NKAIN2: variants seen among roughly 807,000 people sequenced by gnomAD.
NKAIN2 encodes sodium/potassium-transporting ATPase subunit beta-1-interacting protein 2.
A neutral mutation model predicts 32.6 loss-of-function variants in NKAIN2; 14 were observed. The observed-to-expected ratio is 0.43, with a 90% CI of 0.28 to 0.67. The LOEUF (loss-of-function observed/expected upper bound fraction) is 0.67. NKAIN2 is among the 30% of genes least tolerant of loss of function. NKAIN2 has a pLI of 0.17. For synonymous variants in NKAIN2, 80 were observed against 87.2 expected, an observed-to-expected ratio of 0.92 and a Z score of 0.46; for missense variants, 198 against 258.3, an observed-to-expected ratio of 0.77 and a Z score of 1.60.
chr6:124,425,929 A>T (rs1774963786), intron 3 of NKAIN2, among the ~76,000 whole-genome samples: 1 of 152,108 alleles, frequency 6.6e-6, no homozygotes, highest in Non-Finnish European at 1.5e-5. Context: ...TTATTTACAT[A>T]TGCATACTCG....
At chr6:124,468,835 CA>C (rs1480247915) in intron 3 of NKAIN2, among the ~76,000 whole-genome samples, 3 of 152,096 alleles carry the variant, frequency 2.0e-5, no homozygotes, top group Non-Finnish European at 4.4e-5. Context: ...CATTTTGAAC[CA>C]AACTCAAAAT....
intron 3 of NKAIN2, among the ~76,000 whole-genome samples, chr6:124,538,181 A>C (rs1253951181): frequency 6.6e-6 from 1 of 151,526 alleles, no homozygotes; most frequent in Non-Finnish European, 1.5e-5. Flanking sequence ...CTTACAGTCC[A>C]TCTTTTCCTC....
chr6:124,243,531 G>T (rs1033768435), intron 1 of NKAIN2, among the ~76,000 whole-genome samples: 1 of 151,746 alleles, frequency 6.6e-6, no homozygotes, highest in African/African-American at 2.4e-5. Context: ...GAAGGAAGAT[G>T]CTGGAACTGG....
At chr6:123,867,783 C>G (rs1265758098) in intron 1 of NKAIN2, among the ~76,000 whole-genome samples, 2 of 152,080 alleles carry the variant, frequency 1.3e-5, no homozygotes, top group African/African-American at 4.8e-5. Context: ...GCTCCTTCCC[C>G]TTTACTCAGA....
chr6:124,676,871 A>G (rs190495040), intron 4 of NKAIN2, among the ~76,000 whole-genome samples: 25 of 152,238 alleles, frequency 1.6e-4, no homozygotes, highest in Non-Finnish European at 3.1e-4. Context: ...ATCCTTTCAC[A>G]TTTAGCCCAT....
chr6:124,229,558 A>AGAC (rs1792336189), intron 1 of NKAIN2, among the ~76,000 whole-genome samples: 1 of 151,448 alleles, frequency 6.6e-6, no homozygotes, highest in Admixed American at 6.6e-5. Flanking sequence ...ACAGACAGAC[A>AGAC]GACAGGGTTT....
intron 4 of NKAIN2, among the ~76,000 whole-genome samples, chr6:124,768,211 G>T (rs12193615): frequency 0.012 from 1,777 of 152,226 alleles, 17 homozygotes; most frequent in South Asian, 0.037. Context: ...TATATAATTT[G>T]TAGATGGTAT....
intron 5 of NKAIN2, among the ~76,000 whole-genome samples, chr6:124,810,492 G>C (rs1251859781): frequency 1.3e-5 from 2 of 152,170 alleles, no homozygotes; most frequent in South Asian, 2.1e-4. Context: ...GTGGGGTGGG[G>C]GGAGCGGGAA....
intron 3 of NKAIN2, among the ~76,000 whole-genome samples, chr6:124,358,047 T>G (rs1799075355): frequency 6.6e-6 from 1 of 152,178 alleles, no homozygotes; most frequent in African/African-American, 2.4e-5. Flanking sequence ...GTCCTTGCAA[T>G]AGTTTGCTCA....
chr6:124,171,946 G>A (rs1389592577), intron 1 of NKAIN2, among the ~76,000 whole-genome samples: 1 of 150,706 alleles, frequency 6.6e-6, no homozygotes, highest in Non-Finnish European at 1.5e-5. Flanking sequence ...CCAAGCAACT[G>A]GTACTACAGG....
intron 3 of NKAIN2, among the ~76,000 whole-genome samples, chr6:124,462,885 A>C (rs1211374450): frequency 6.6e-6 from 1 of 152,074 alleles, no homozygotes; most frequent in East Asian, 1.9e-4. Flanking sequence ...AAATCTGCCT[A>C]ATAGCAGTAA....
intron 1 of NKAIN2, among the ~76,000 whole-genome samples, chr6:124,181,212 G>T (rs1789430937): frequency 6.6e-6 from 1 of 152,108 alleles, no homozygotes; most frequent in Non-Finnish European, 1.5e-5. Context: ...TTTAGCAATG[G>T]CTGGGATGCA....
intron 3 of NKAIN2, among the ~76,000 whole-genome samples, chr6:124,438,989 G>A (rs1775577797): frequency 6.6e-6 from 1 of 152,196 alleles, no homozygotes; most frequent in South Asian, 2.1e-4. Context: ...ATCCATATAT[G>A]GAGCTTCAAT....
chr6:124,080,291 AG>A (rs1374148991), intron 1 of NKAIN2, among the ~76,000 whole-genome samples: 3 of 152,138 alleles, frequency 2.0e-5, no homozygotes, highest in Admixed American at 1.3e-4. Context: ...CTTAGACAAA[AG>A]GCTGTCTTGT....
chr6:124,720,411 G>C (rs1322605643), intron 4 of NKAIN2, among the ~76,000 whole-genome samples: 1 of 151,830 alleles, frequency 6.6e-6, no homozygotes, highest in South Asian at 2.1e-4. Context: ...TTTAACATGT[G>C]GTAAATTAAG....
chr6:124,226,840 A>C (rs1792138698), intron 1 of NKAIN2, among the ~76,000 whole-genome samples: 1 of 152,062 alleles, frequency 6.6e-6, no homozygotes, highest in Admixed American at 6.6e-5. Flanking sequence ...AAGTATTTCA[A>C]TTTTATTTAT....
At chr6:124,032,090 G>A (rs1208940219) in intron 1 of NKAIN2, among the ~76,000 whole-genome samples, 1 of 152,012 alleles carries the variant, frequency 6.6e-6, no homozygotes, top group East Asian at 1.9e-4. Flanking sequence ...AGCCATGAAA[G>A]GGATGAGTTC....
chr6:124,115,794 A>G (rs1473855697), intron 1 of NKAIN2, among the ~76,000 whole-genome samples: 1 of 152,058 alleles, frequency 6.6e-6, no homozygotes, highest in Non-Finnish European at 1.5e-5. Context: ...TTCATTTTTA[A>G]AACTCATTCT....
At chr6:124,552,190 C>G (rs1387810351) in intron 3 of NKAIN2, among the ~76,000 whole-genome samples, 2 of 152,182 alleles carry the variant, frequency 1.3e-5, no homozygotes, top group Non-Finnish European at 2.9e-5. Context: ...GAGTATCATC[C>G]TCAAGCTCTC....
Sources: allele counts gnomAD v4.1 joint callset (sites outside exome capture counted in the v4.1 genomes callset), GRCh38; gene constraint gnomAD v4.1.1; transcripts MANE v1.5; gene names NCBI Gene and HGNC (gene_info 2026-07-23, HGNC 2026-07-21).